Variants in ATL2 observed in about 807,000 individuals in gnomAD.
ATL2 encodes atlastin-2.
In ATL2, 31 loss-of-function variants were observed where a neutral mutation model predicts 73.9. The observed-to-expected ratio is 0.42, with a 90% CI of 0.32 to 0.57. The LOEUF (loss-of-function observed/expected upper bound fraction) is 0.57. Ranked by LOEUF, ATL2 falls within the 20% of genes least tolerant of loss-of-function variation. The probability of loss-of-function intolerance (pLI) is 0.14; values close to 1 mark genes in which losing one functional copy is unlikely to be tolerated. For missense variants in ATL2, 738 were observed against 702.6 expected, an observed-to-expected ratio of 1.05 and a Z score of -0.57; for synonymous variants, 291 against 237.5, an observed-to-expected ratio of 1.23 and a Z score of -2.07.
intron 9 of ATL2, among the ~76,000 whole-genome samples, chr2:38,305,061 T>A (rs1667376039): frequency 6.7e-6 from 1 of 148,882 alleles, no homozygotes; most frequent in Non-Finnish European, 1.5e-5. Context: ...AAAAAGATAC[T>A]CCATGCAAAT....
chr2:38,333,408 A>G (rs1333102825), intron 2 of ATL2, among the ~76,000 whole-genome samples: 1 of 152,216 alleles, frequency 6.6e-6, no homozygotes, highest in Non-Finnish European at 1.5e-5. Context: ...CTCCAAAAAC[A>G]GTTAGTATTA....
chr2:38,330,595 T>C (rs779279188), intron 2 of ATL2, among the ~76,000 whole-genome samples: 1 of 152,204 alleles, frequency 6.6e-6, no homozygotes, highest in Admixed American at 6.5e-5. Context: ...GTCAAGTATA[T>C]GAACTATACA....
intron 2 of ATL2, among the ~76,000 whole-genome samples, chr2:38,338,695 C>G (rs1045515080): frequency 1.3e-5 from 2 of 152,102 alleles, no homozygotes; most frequent in African/African-American, 4.8e-5. Context: ...TAAAAAATAT[C>G]AAGTCTGCAG....
At chr2:38,337,176 A>G (rs1364103898) in intron 2 of ATL2, among the ~76,000 whole-genome samples, 1 of 151,956 alleles carries the variant, frequency 6.6e-6, no homozygotes, top group African/African-American at 2.4e-5. Flanking sequence ...AAAAAAAACA[A>G]AAACAAAAAC....
intron 1 of ATL2, among the ~76,000 whole-genome samples, chr2:38,354,814 C>G (rs549616084): frequency 6.6e-6 from 1 of 152,156 alleles, no homozygotes; most frequent in East Asian, 1.9e-4. Context: ...CCCTTTAACC[C>G]AGGAGGCGGA....
At chr2:38,376,319 G>A (rs1057074322) in intron 1 of ATL2, 5 of 1,238,732 alleles carry the variant, frequency 4.0e-6, no homozygotes, top group African/African-American at 1.5e-5. Context: ...AGGGGGCAGG[G>A]GCGCTCCTGG....
At chr2:38,332,559 T>C (rs1403027321) in intron 2 of ATL2, among the ~76,000 whole-genome samples, 1 of 152,166 alleles carries the variant, frequency 6.6e-6, no homozygotes, top group South Asian at 2.1e-4. Context: ...TCTGTGAATA[T>C]ACTAAAAACC....
At chr2:38,312,372 G>A (rs921970517) in intron 7 of ATL2, among the ~76,000 whole-genome samples, 3 of 149,960 alleles carry the variant, frequency 2.0e-5, no homozygotes, top group African/African-American at 7.6e-5. Context: ...TAAAAAGTAT[G>A]TGGCACTTCC....
Position 38,310,435 on chromosome 2 carries a change from G to T in ATL2, c.817C>A (p.Gln273Lys). The part of the protein sequence containing the change: ...LEKRLQVKQN[Q>K]HEELQNVRKH... The stretch of plus-strand genomic sequence containing the variant: ...CTTACATTCTGAAGCTCTTCATGTT[G>T]ATTTTGTTTTACCTGAGGGCGGAGA... The change falls in exon 8 of 13, where the codon CAA becomes AAA. Residue 273 changes from glutamine (Q) to lysine (K), a missense_variant. Gln to Lys is a moderately conservative substitution (Grantham distance 53). Transcript: ENST00000378954. 6.3e-7 allele frequency: 1 copy of T among 1,594,310 alleles called. No individual in the cohort carries two copies. Among genetic ancestry groups the T allele is most frequent in the Non-Finnish European group, 8.5e-7 (1 of 1,172,662 alleles).
chr2:38,305,156 C>T (rs576476992), intron 9 of ATL2, among the ~76,000 whole-genome samples: 10 of 152,176 alleles, frequency 6.6e-5, no homozygotes, highest in Admixed American at 3.9e-4. Context: ...ATCAATTCAG[C>T]AAGAGGATAT....
At position 38,294,131 on chromosome 2, in the gene ATL2, T is replaced by A. The variant is rs1152; in HGVS notation, c.*1863A>T. Among the ~76,000 whole-genome samples, 3 of 152,190 alleles carry A rather than the reference T, an allele frequency of 2.0e-5. No homozygotes were observed. In the South Asian group the frequency reaches 6.2e-4, roughly 31 times the overall value. Reference sequence around the variant, plus strand: ...AGATAAGTTAGCAATTTAATACAGATGAAAACAAATACAATCCATATAAAA... The same window carrying A: ...AGATAAGTTAGCAATTTAATACAGAAGAAAACAAATACAATCCATATAAAA... On this transcript the variant is annotated 3_prime_UTR_variant, in exon 13 of 13. Coordinates refer to ENST00000378954, the MANE Select transcript of ATL2 (RefSeq NM_001135673.4).
At chr2:38,297,020 G>A (rs901048902) in intron 12 of ATL2, among the ~76,000 whole-genome samples, 1 of 152,072 alleles carries the variant, frequency 6.6e-6, no homozygotes, top group Admixed American at 6.6e-5. Flanking sequence ...TCTTCTATTA[G>A]AAGATATCAA....
intron 2 of ATL2, among the ~76,000 whole-genome samples, 193 bp downstream of exon 2, chr2:38,343,075 G>C (rs1274667836): frequency 2.0e-5 from 3 of 147,922 alleles, no homozygotes; most frequent in Non-Finnish European, 3.0e-5. Flanking sequence ...TTGAGATTGG[G>C]AGGTTGAGGC....
intron 1 of ATL2, among the ~76,000 whole-genome samples, chr2:38,356,409 G>A (rs187485793): frequency 4.6e-5 from 7 of 151,388 alleles, no homozygotes; most frequent in Admixed American, 2.6e-4. Context: ...GGCTGGTCTC[G>A]AACTCCTGGG....
intron 1 of ATL2, among the ~76,000 whole-genome samples, chr2:38,344,181 T>C (rs1312501765): frequency 1.3e-5 from 2 of 150,524 alleles, no homozygotes; most frequent in East Asian, 3.9e-4. Flanking sequence ...GTAAATAACT[T>C]TTCCAACTGT....
At chr2:38,368,845 C>A (rs1038399016) in intron 1 of ATL2, among the ~76,000 whole-genome samples, 1 of 152,066 alleles carries the variant, frequency 6.6e-6, no homozygotes, top group Non-Finnish European at 1.5e-5. Flanking sequence ...AATCCCAGCA[C>A]TGAGAGGTGG....
chr2:38,320,794 G>C (rs1225342031), intron 2 of ATL2, among the ~76,000 whole-genome samples: 3 of 152,098 alleles, frequency 2.0e-5, no homozygotes, highest in Admixed American at 6.6e-5. Flanking sequence ...CAGGACCAAT[G>C]AGGGATGAAG....
chr2:38,370,964 GAA>G (rs200520967), intron 1 of ATL2, among the ~76,000 whole-genome samples: 1 of 150,192 alleles, frequency 6.7e-6, no homozygotes, highest in African/African-American at 2.5e-5. Context: ...TCTCGGGGGG[GAA>G]AAAAATAAGG....
intron 1 of ATL2, chr2:38,354,227 C>A: frequency 2.5e-6 from 1 of 402,490 alleles, no homozygotes; most frequent in South Asian, 1.7e-5. Flanking sequence ...ATGTGCATTA[C>A]ATGAGAGCTA....
Sources: gnomAD v4.1 joint callset for allele counts (sites outside exome capture counted in the v4.1 genomes callset) on GRCh38, gnomAD v4.1.1 for gene constraint, MANE v1.5 for transcripts, NCBI Gene and HGNC (gene_info 2026-07-23, HGNC 2026-07-21) for gene names.